Variants in EGF observed in about 807,000 individuals in gnomAD.
The protein encoded by EGF is epidermal growth factor, also known as pro-epidermal growth factor.
Under a neutral mutation model 143.8 loss-of-function variants are expected in EGF, and 95 were observed. The observed-to-expected ratio is 0.66, with a 90% confidence interval of 0.56 to 0.78. EGF has a LOEUF of 0.78. Among genes scored for constraint, EGF ranks in the 30% least tolerant of loss-of-function variants. The probability of loss-of-function intolerance (pLI) is 0.00; values close to 1 mark genes in which losing one functional copy is unlikely to be tolerated. For synonymous variants in EGF, 510 were observed against 510.5 expected, an observed-to-expected ratio of 1.00 and a Z score of 0.01; for missense variants, 1,320 against 1,470.9, an observed-to-expected ratio of 0.90 and a Z score of 1.68.
Position 110,004,208 on chromosome 4 carries a change from GCATA to G in EGF, c.3174-290_3174-287del, listed in dbSNP as rs147638944. ...AGGCTATTCCCCCCAACATACATGGGCATACATACACACACACACACACACACAC... is the reference window on the plus strand; with the variant it reads ...AGGCTATTCCCCCCAACATACATGGGCATACACACACACACACACACACAC... On this transcript the variant is annotated intron_variant, in intron 21 of 23. Transcript: ENST00000265171. 5.4e-3 allele frequency: 2,045 copies of G among 380,802 alleles called. 29 individuals are homozygous for G. The highest frequency in any genetic ancestry group is 0.05 in the African/African-American group (1,589 of 31,592). The allele number at this position is 380,802 out of a possible 1,614,324, so 23.6% of individuals were successfully genotyped here.
rs576359993 is a variant in EGF, at chr4:109,936,789, C to T, written c.128-4157C>T. 2.2e-4 allele frequency among the ~76,000 whole-genome samples: 33 copies of T among 152,238 alleles called. 1 individual carries two copies. Among genetic ancestry groups the T allele is most frequent in the Admixed American group, 1.4e-3 (21 of 15,288 alleles). On this transcript the variant is annotated intron_variant, in intron 1 of 23. Transcript: ENST00000265171. Reference sequence around the variant, plus strand: ...AACTTATTTATTTCTCCCTTAATTTCGTTATTTACCCAGTAGTCATTCAGG... The same window carrying T: ...AACTTATTTATTTCTCCCTTAATTTTGTTATTTACCCAGTAGTCATTCAGG...
At chr4:109,944,214 C>T (rs1033878832) in intron 4 of EGF, 145 bp downstream of exon 4, 47 of 856,600 alleles carry the variant, frequency 5.5e-5, no homozygotes, top group Admixed American at 8.5e-5. Context: ...CCGGGCGCGG[C>T]GGATCACGAG....
At chr4:109,918,725 T>G (rs1737155599) in intron 1 of EGF, among the ~76,000 whole-genome samples, 2 of 152,174 alleles carry the variant, frequency 1.3e-5, no homozygotes, top group African/African-American at 4.8e-5. Flanking sequence ...TGTTATGAGC[T>G]GTGAGGGGAC....
At chr4:110,009,475 G>A (rs576928582) in intron 23 of EGF, among the ~76,000 whole-genome samples, 1 of 152,156 alleles carries the variant, frequency 6.6e-6, no homozygotes, top group Non-Finnish European at 1.5e-5. Context: ...ATAGCACAAC[G>A]ATTTTACAGG....
chr4:109,954,088 G>A (rs1458550774), intron 5 of EGF, among the ~76,000 whole-genome samples: 3 of 152,164 alleles, frequency 2.0e-5, no homozygotes, highest in Non-Finnish European at 2.9e-5. Context: ...GTCTCGCTCT[G>A]TCACCCATGC....
intron 13 of EGF, among the ~76,000 whole-genome samples, chr4:109,978,207 T>A (rs1748802771): frequency 6.6e-6 from 1 of 152,232 alleles, no homozygotes; most frequent in African/African-American, 2.4e-5. Context: ...ATTTGTTAAT[T>A]GGCTAGATTC....
chr4:109,921,579 T>A (rs1398528031), intron 1 of EGF, among the ~76,000 whole-genome samples: 1 of 151,500 alleles, frequency 6.6e-6, no homozygotes, highest in Non-Finnish European at 1.5e-5. Context: ...GTAAGAGTCC[T>A]TTTGGAGAAA....
In EGF at chr4:110,011,194, TC is replaced by T; in HGVS notation, c.3371-7del. ...TGAATATTGAAATTTCTTTTGTCTT[TC>T]ATATAGGGTCAATGCAACCAACTTC... On this transcript the variant is annotated splice_region_variant and splice_polypyrimidine_tract_variant and intron_variant, in intron 23 of 23. Transcript: ENST00000265171. The T allele has an allele frequency of 6.2e-7, 1 of 1,613,866 alleles. No individual in the cohort carries two copies. The highest frequency in any genetic ancestry group is 8.5e-7 in the Non-Finnish European group (1 of 1,180,024).
intron 5 of EGF, among the ~76,000 whole-genome samples, chr4:109,957,283 C>T (rs144407872): frequency 1.7e-4 from 26 of 152,272 alleles, no homozygotes; most frequent in African/African-American, 5.1e-4. Context: ...GACCCCCTGA[C>T]GGATCAGGAG....
At position 109,990,620 on chromosome 4, in the gene EGF, C is replaced by T. The variant is rs181660541; in HGVS notation, c.2734+1911C>T. 2.5e-3 allele frequency among the ~76,000 whole-genome samples: 375 copies of T among 152,232 alleles called. 2 individuals are homozygous for T. Among genetic ancestry groups the T allele is most frequent in the African/African-American group, 8.3e-3 (346 of 41,554 alleles). On this transcript the variant is annotated intron_variant, in intron 18 of 23. Coordinates refer to ENST00000265171, the MANE Select transcript of EGF (RefSeq NM_001963.6). ...AACAAAATATCCTAGACTGGATGGC[C>T]TAAGCAACAGAAATATATCCTCTCA...
Position 109,964,553 on chromosome 4 carries a change from T to C in EGF, c.1575+16T>C. 1 of 1,613,672 alleles carries C rather than the reference T, an allele frequency of 6.2e-7. No individual in the cohort carries two copies. The highest frequency in any genetic ancestry group is 1.7e-5 in the Admixed American group (1 of 60,002). On this transcript the variant is annotated intron_variant, in intron 10 of 23. Coordinates refer to ENST00000265171, the MANE Select transcript of EGF (RefSeq NM_001963.6). ...GGAAAATAAGGTATGGTTTTGTTAC[T>C]TGAACAGATGTGGACATGCTTTAAG...
rs1560781747 is a variant in EGF, at chr4:110,011,387, C to CCAT, written c.3556_3557insCAT (p.Leu1185_Leu1186insPro). ...GGGTGTCGAGAAGCCCCATTCTCTC[C>CCAT]TATCAGCTAACCCATTATGGCAACA... On this transcript the variant is annotated inframe_insertion, in exon 24 of 24. Transcript: ENST00000265171. 1 of 1,614,178 alleles carries CCAT rather than the reference C, an allele frequency of 6.2e-7. No homozygotes were observed. The highest frequency in any genetic ancestry group is 2.2e-5 in the East Asian group (1 of 44,882).
Position 109,951,897 on chromosome 4 carries a change from T to TTC in EGF, c.940+6623_940+6624dup, listed in dbSNP as rs550840619. 3.9e-5 allele frequency among the ~76,000 whole-genome samples: 6 copies of TTC among 152,376 alleles called. No individual in the cohort carries two copies. In the East Asian group the frequency reaches 1.2e-3, roughly 29 times the overall value. ...CCATGGCCTTCTGGTAGTTAAGTGC[T>TTC]TCAGTTTGCACAGATCATGGAGTCA... On this transcript the variant is annotated intron_variant, in intron 5 of 23. Transcript: ENST00000265171.
chr4:109,969,059 AT>A lies in EGF; in HGVS notation c.1665del (p.Asp555GlufsTer24). 6.2e-7 allele frequency: 1 copy of A among 1,614,158 alleles called. No homozygotes were observed. The highest frequency in any genetic ancestry group is 8.5e-7 in the Non-Finnish European group (1 of 1,180,026). ...QRERLIEEGVDVPEGLAVDWI... is the reference protein window; with the variant it reads ...QRERLIEEGVXVPEGLAVDWI... ...GAAAGGCTTATTGAGGAAGGAGTAG[AT>A]GTGCCAGAAGGTCTTGCTGTGGACT... On this transcript the variant is annotated frameshift_variant, in exon 11 of 24. Transcript: ENST00000265171. LOFTEE classifies it high-confidence loss of function.
chr4:109,958,188 A>G (rs1391996869), intron 5 of EGF, among the ~76,000 whole-genome samples: 1 of 152,226 alleles, frequency 6.6e-6, no homozygotes, highest in Non-Finnish European at 1.5e-5. Flanking sequence ...ACCTAATACA[A>G]TGCCTACATC....
chr4:109,963,317 T>C lies in EGF; in HGVS notation c.1438+19T>C. 1 of 1,613,846 alleles carries C rather than the reference T, an allele frequency of 6.2e-7. No homozygotes were observed. The highest frequency in any genetic ancestry group is 1.1e-5 in the South Asian group (1 of 91,076). On this transcript the variant is annotated intron_variant, in intron 9 of 23. Coordinates refer to ENST00000265171, the MANE Select transcript of EGF (RefSeq NM_001963.6). ...GCTTCAGGTTAGTGCTGTGGTTGTCTGGAACTGTGTCCCTGAAAAAAAATT... is the reference window on the plus strand; with the variant it reads ...GCTTCAGGTTAGTGCTGTGGTTGTCCGGAACTGTGTCCCTGAAAAAAAATT...
At chr4:109,983,770 CTT>C (rs1436187097) in intron 16 of EGF, among the ~76,000 whole-genome samples, 1 of 152,168 alleles carries the variant, frequency 6.6e-6, no homozygotes, top group Admixed American at 6.5e-5. Flanking sequence ...GGGTGTGAGT[CTT>C]TGTTCTGTGA....
intron 17 of EGF, among the ~76,000 whole-genome samples, 196 bp downstream of exon 17, chr4:109,988,056 T>A (rs928735324): frequency 6.6e-6 from 1 of 152,116 alleles, no homozygotes; most frequent in Non-Finnish European, 1.5e-5. Context: ...CACAAATACA[T>A]TGAGTTTATA....
chr4:110,008,284 C>T, intron 23 of EGF, 54 bp downstream of exon 23: 1 of 1,597,084 alleles, frequency 6.3e-7, no homozygotes, highest in South Asian at 1.1e-5. Flanking sequence ...TAGATCCTGA[C>T]TGTTTTTCAA....
Sources: gnomAD v4.1 joint callset for allele counts (sites outside exome capture counted in the v4.1 genomes callset) on GRCh38, gnomAD v4.1.1 for gene constraint, MANE v1.5 for transcripts, NCBI Gene and HGNC (gene_info 2026-07-23, HGNC 2026-07-21) for gene names.